KLHL29: variants seen among roughly 807,000 people sequenced by gnomAD.
KLHL29 encodes the protein kelch-like protein 29.
KLHL29 carries 21 observed loss-of-function variants against 80.4 expected under a neutral mutation model. The observed-to-expected ratio is 0.26, with a 90% CI of 0.19 to 0.38. KLHL29 has a LOEUF of 0.38. Among genes scored for constraint, KLHL29 ranks in the 10% least tolerant of loss-of-function variants. The pLI is 1.00. For synonymous variants in KLHL29, 511 were observed against 526.8 expected, an observed-to-expected ratio of 0.97 and a Z score of 0.41; for missense variants, 867 against 1,223.9, an observed-to-expected ratio of 0.71 and a Z score of 4.35.
chr2:23,509,875 C>T (rs1194045291), intron 2 of KLHL29, among the ~76,000 whole-genome samples: 3 of 152,166 alleles, frequency 2.0e-5, no homozygotes, highest in African/African-American at 7.2e-5. Context: ...TTCATTCCTC[C>T]TGACGGACCT....
chr2:23,393,001 TTGAA>T (rs1218364746), intron 1 of KLHL29, among the ~76,000 whole-genome samples: 2 of 152,216 alleles, frequency 1.3e-5, no homozygotes, highest in African/African-American at 2.4e-5. Flanking sequence ...TTTTAGGTGT[TTGAA>T]TGGCGTCTGT....
At chr2:23,602,470 C>G (rs1572430534) in intron 3 of KLHL29, among the ~76,000 whole-genome samples, 1 of 152,296 alleles carries the variant, frequency 6.6e-6, no homozygotes, top group East Asian at 1.9e-4. Flanking sequence ...CCTCACTCTG[C>G]CCAGAGTCCT....
intron 2 of KLHL29, among the ~76,000 whole-genome samples, chr2:23,533,313 G>A (rs908816532): frequency 1.1e-4 from 16 of 152,264 alleles, no homozygotes; most frequent in African/African-American, 3.9e-4. Context: ...TTGCATCCAG[G>A]GAAGTATTTT....
chr2:23,468,569 G>C (rs2103433333), intron 1 of KLHL29, among the ~76,000 whole-genome samples: 1 of 152,312 alleles, frequency 6.6e-6, no homozygotes, highest in Middle Eastern at 3.4e-3. Context: ...AGCATCAGCA[G>C]CTATATCTGT....
intron 1 of KLHL29, among the ~76,000 whole-genome samples, chr2:23,433,147 T>C (rs1413535395): frequency 6.6e-6 from 1 of 152,182 alleles, no homozygotes; most frequent in Admixed American, 6.5e-5. Flanking sequence ...AGCGAGCGCT[T>C]TTCTGCTCCT....
At chr2:23,511,644 T>G (rs1255892762) in intron 2 of KLHL29, among the ~76,000 whole-genome samples, 1 of 152,226 alleles carries the variant, frequency 6.6e-6, no homozygotes, top group African/African-American at 2.4e-5. Context: ...GTGTATCCCT[T>G]TTGTCTTTAT....
chr2:23,491,539 C>T (rs1665102314), intron 2 of KLHL29, among the ~76,000 whole-genome samples: 1 of 127,744 alleles, frequency 7.8e-6, no homozygotes. Context: ...TGCATGCAAG[C>T]CTTCCCCCGC....
intron 2 of KLHL29, among the ~76,000 whole-genome samples, chr2:23,533,259 G>A (rs1290705385): frequency 2.0e-5 from 3 of 152,212 alleles, no homozygotes; most frequent in African/African-American, 7.2e-5. Context: ...TTCTGATGTG[G>A]CTGCTTGTGG....
chr2:23,700,852 T>G lies in KLHL29; in HGVS notation c.2106-2334T>G, dbSNP rs1672318762. ...CACCTTCAGGGGCACAGCCACTCAC[T>G]CGCTGTTGGGACCTTGGCTGCCCTC... On this transcript the variant is annotated intron_variant, in intron 11 of 13. Transcript: ENST00000486442. This position sits in a 1 kb window ranked among gnomAD's most constrained non-coding sequence, Gnocchi z 4.6. Among the ~76,000 whole-genome samples, 1 of 152,126 alleles carries G rather than the reference T, an allele frequency of 6.6e-6. No individual in the cohort carries two copies. Among genetic ancestry groups the G allele is most frequent in the Non-Finnish European group, 1.5e-5 (1 of 68,020 alleles).
chr2:23,683,145 A>C (rs1671138472), intron 5 of KLHL29, among the ~76,000 whole-genome samples: 1 of 152,214 alleles, frequency 6.6e-6, no homozygotes, highest in Admixed American at 6.5e-5. Flanking sequence ...TGGGGCCAGG[A>C]AGGAGTCCTG....
chr2:23,475,802 G>A lies in KLHL29; in HGVS notation c.-46+135G>A, dbSNP rs141864380. 2.6e-3 allele frequency: 407 copies of A among 155,354 alleles called. 4 individuals are homozygous for A. Among genetic ancestry groups the A allele is most frequent in the African/African-American group, 9.4e-3 (391 of 41,572 alleles). 9.6% of individuals were successfully genotyped at this position (155,354 alleles called of 1,614,324 possible). A position where few individuals can be genotyped will look rare whatever the true frequency, so the allele number is the denominator to read the frequency against. ...GTCCCCTCGCCCTCTTCCTCAGTGC[G>A]ATTTTACCACAGGCGTGTGTGATCA... On this transcript the variant is annotated intron_variant, in intron 2 of 13. Coordinates refer to ENST00000486442, the MANE Select transcript of KLHL29 (RefSeq NM_052920.2).
intron 3 of KLHL29, among the ~76,000 whole-genome samples, chr2:23,587,231 C>T (rs1201034023): frequency 7.2e-6 from 1 of 139,736 alleles, no homozygotes; most frequent in Non-Finnish European, 1.5e-5. Flanking sequence ...TATTTTCTTC[C>T]AAAGGCCAAT....
At chr2:23,566,122 T>A (rs1022656598) in intron 3 of KLHL29, among the ~76,000 whole-genome samples, 5 of 152,230 alleles carry the variant, frequency 3.3e-5, no homozygotes, top group Non-Finnish European at 5.9e-5. Flanking sequence ...TTTTTCTACT[T>A]CTTCATTTGT....
At chr2:23,426,979 C>A (rs1040073645) in intron 1 of KLHL29, among the ~76,000 whole-genome samples, 2 of 152,184 alleles carry the variant, frequency 1.3e-5, no homozygotes, top group African/African-American at 4.8e-5. Flanking sequence ...AAAGTGATAG[C>A]ACTCTTTTAT....
intron 1 of KLHL29, among the ~76,000 whole-genome samples, chr2:23,435,746 G>C (rs114530455): frequency 9.8e-5 from 15 of 152,302 alleles, no homozygotes; most frequent in Non-Finnish European, 2.1e-4. Flanking sequence ...AGCATAGTGC[G>C]ATGGGATAGT....
intron 1 of KLHL29, among the ~76,000 whole-genome samples, chr2:23,452,271 C>T (rs2015406): frequency 0.31 from 46,609 of 151,410 alleles, 7,337 homozygotes; most frequent in South Asian, 0.4. Context: ...ATCCTCCAAC[C>T]GCAGTCTCCC....
At chr2:23,677,438 A>G (rs1670954142) in intron 5 of KLHL29, among the ~76,000 whole-genome samples, 1 of 152,240 alleles carries the variant, frequency 6.6e-6, no homozygotes, top group African/African-American at 2.4e-5. Flanking sequence ...GCAAGAAGTC[A>G]GAGTGTTTCA....
chr2:23,533,799 T>G (rs1192482587), intron 2 of KLHL29, among the ~76,000 whole-genome samples: 1 of 152,242 alleles, frequency 6.6e-6, no homozygotes, highest in Non-Finnish European at 1.5e-5. Flanking sequence ...ATGCTAATTA[T>G]AAGCTAACTC....
chr2:23,653,788 A>T (rs1470922795), intron 5 of KLHL29, among the ~76,000 whole-genome samples: 1 of 152,038 alleles, frequency 6.6e-6, no homozygotes, highest in East Asian at 1.9e-4. Flanking sequence ...GCAGATTTCC[A>T]CCCTCCAGGT....
Sources: gnomAD v4.1 joint callset for allele counts (sites outside exome capture counted in the v4.1 genomes callset) on GRCh38, gnomAD v4.1.1 for gene constraint, Gnocchi (gnomAD v3.1) non-coding constraint, MANE v1.5 for transcripts, NCBI Gene and HGNC (gene_info 2026-07-23, HGNC 2026-07-21) for gene names.